USP24: variants seen among roughly 807,000 people sequenced by gnomAD.
USP24 encodes the protein ubiquitin carboxyl-terminal hydrolase 24.
A neutral mutation model predicts 361.6 loss-of-function variants in USP24; 97 were observed. The observed-to-expected ratio is 0.27, with a 90% CI of 0.23 to 0.32. The LOEUF (loss-of-function observed/expected upper bound fraction) is 0.32. Among genes scored for constraint, USP24 ranks in the 10% least tolerant of loss-of-function variants. The pLI is 1.00. For synonymous variants in USP24, 1,098 were observed against 1,124.6 expected, an observed-to-expected ratio of 0.98 and a Z score of 0.47; for missense variants, 2,353 against 3,165.6, an observed-to-expected ratio of 0.74 and a Z score of 6.16.
Position 55,068,841 on chromosome 1 carries a change from C to T in USP24, c.*204G>A, listed in dbSNP as rs970581702. The T allele has an allele frequency of 3.3e-5, 19 of 577,878 alleles. No homozygotes were observed. Among genetic ancestry groups the T allele is most frequent in the African/African-American group, 1.1e-4 (6 of 53,220 alleles). The allele number at this position is 577,878 out of a possible 1,614,324, so 35.8% of individuals were successfully genotyped here. On this transcript the variant is annotated 3_prime_UTR_variant, in exon 68 of 68. Coordinates refer to ENST00000294383, the MANE Select transcript of USP24 (RefSeq NM_015306.3). ...CTCCCGGGACAGCTGATCCACATGCCGGAGTTCTCCCACTGCCAAACAGCT... is the reference window on the plus strand; with the variant it reads ...CTCCCGGGACAGCTGATCCACATGCTGGAGTTCTCCCACTGCCAAACAGCT...
intron 1 of USP24, among the ~76,000 whole-genome samples, chr1:55,189,072 G>C (rs1372096261): frequency 1.3e-5 from 2 of 151,280 alleles, no homozygotes; most frequent in African/African-American, 4.8e-5. Context: ...TATAAAATGG[G>C]GCCACCGCTT....
At position 55,167,304 on chromosome 1, in the gene USP24, G is replaced by C. The variant is rs1310831806; in HGVS notation, c.826-701C>G. Among the ~76,000 whole-genome samples the C allele has an allele frequency of 2.6e-5, 4 of 152,100 alleles. 1 individual carries two copies. Among genetic ancestry groups the C allele is most frequent in the Non-Finnish European group, 4.4e-5 (3 of 68,024 alleles). On this transcript the variant is annotated intron_variant, in intron 5 of 67. Coordinates refer to ENST00000294383, the MANE Select transcript of USP24 (RefSeq NM_015306.3). ...AACATAATCTTTAAAGGACAAGACAGATGTAGCCGTTTAAAGAACAGTCCA... is the reference window on the plus strand; with the variant it reads ...AACATAATCTTTAAAGGACAAGACACATGTAGCCGTTTAAAGAACAGTCCA...
At chr1:55,119,329 A>G (rs1406488774) in intron 38 of USP24, among the ~76,000 whole-genome samples, 2 of 152,198 alleles carry the variant, frequency 1.3e-5, no homozygotes, top group African/African-American at 4.8e-5. Context: ...AAGGACAAAT[A>G]CTGTATGATT....
chr1:55,104,098 A>G (rs1469498716), intron 41 of USP24, 78 bp from the exon 42 acceptor site: 7 of 1,477,872 alleles, frequency 4.7e-6, no homozygotes, highest in African/African-American at 2.8e-5. Context: ...TCAACAGTTG[A>G]AATGAAAGTA....
chr1:55,155,075 C>G (rs937748576), intron 12 of USP24, among the ~76,000 whole-genome samples: 1 of 150,560 alleles, frequency 6.6e-6, no homozygotes, highest in African/African-American at 2.4e-5. Context: ...AAGAAGAGAA[C>G]AAAATATTTT....
chr1:55,137,247 C>T (rs1050913836), intron 28 of USP24, among the ~76,000 whole-genome samples: 14 of 152,096 alleles, frequency 9.2e-5, no homozygotes, highest in African/African-American at 3.1e-4. Context: ...TAATTCTTAT[C>T]AACAGAGATC....
chr1:55,104,136 T>A, intron 41 of USP24, 116 bp from the exon 42 acceptor site: 1 of 1,323,528 alleles, frequency 7.6e-7, no homozygotes, highest in Non-Finnish European at 1.0e-6. Context: ...CAAACATACT[T>A]AAGTCAGGTC....
chr1:55,213,637 C>T (rs4927199), intron 1 of USP24, among the ~76,000 whole-genome samples: 149,205 of 152,320 alleles, frequency 0.98, 73,146 homozygotes, highest in East Asian at 1. Flanking sequence ...AGCTGCTCTA[C>T]TGGCCCCTGA....
At chr1:55,199,616 T>TGAGAGAGA (rs754249587) in intron 1 of USP24, among the ~76,000 whole-genome samples, 12 of 144,934 alleles carry the variant, frequency 8.3e-5, no homozygotes, top group African/African-American at 3.2e-4. Context: ...TGTGTGTGTG[T>TGAGAGAGA]GTGTGTGAGA....
chr1:55,198,531 T>C (rs916228886), intron 1 of USP24, among the ~76,000 whole-genome samples: 3 of 152,214 alleles, frequency 2.0e-5, no homozygotes, highest in Non-Finnish European at 2.9e-5. Flanking sequence ...TAGACAATTC[T>C]GTTCTGTGCA....
At position 55,069,064 on chromosome 1, in the gene USP24, A is replaced by G. The variant is rs759815010; in HGVS notation, c.7844T>C (p.Leu2615Pro). Reference sequence around the variant, plus strand: ...GTTCCTCTAGGGATCAACATCATCAAGGTCACTTCTCAACTCACCAATCAT... The same window carrying G: ...GTTCCTCTAGGGATCAACATCATCAGGGTCACTTCTCAACTCACCAATCAT... ...PMMIGELRSD[L>P]DDVDP is the part of the protein sequence containing the mutation. Residue 2615 changes from leucine (L) to proline (P), a missense_variant, in exon 68 of 68, where the codon CTT (leucine) becomes CCT (proline). Around this residue, in one of 8 missense-constraint regions of USP24, gnomAD observed 53 missense variants for 57.7 expected, o/e 0.92. Coordinates refer to ENST00000294383, the MANE Select transcript of USP24 (RefSeq NM_015306.3). 6.2e-7 allele frequency: 1 copy of G among 1,614,016 alleles called. No individual in the cohort carries two copies. The highest frequency in any genetic ancestry group is 2.2e-5 in the East Asian group (1 of 44,888).
At chr1:55,072,225 C>T (rs1644935558) in intron 66 of USP24, 92 bp downstream of exon 66, 4 of 1,016,022 alleles carry the variant, frequency 3.9e-6, no homozygotes, top group Middle Eastern at 2.1e-4. Context: ...TCAACTCATA[C>T]CTCTCTTCTC....
chr1:55,123,656 T>C, intron 35 of USP24, 54 bp from the exon 36 acceptor site: 2 of 1,462,992 alleles, frequency 1.4e-6, no homozygotes, highest in Admixed American at 4.9e-5. Flanking sequence ...CTATGCAATA[T>C]TTTAATCTTT....
Position 55,134,186 on chromosome 1 carries a change from T to A in USP24, c.3288-23A>T, listed in dbSNP as rs765888450. ...ATCCTGAAGTTTTTCAAATACAAAT[T>A]TTTTCATATAAGCCATAGTTTAATT... On this transcript the variant is annotated intron_variant, in intron 29 of 67. Transcript: ENST00000294383. 3.7e-6 allele frequency: 6 copies of A among 1,608,600 alleles called. No homozygotes were observed. The South Asian group carries it at 6.6e-5, about 18-fold the overall frequency.
intron 1 of USP24, among the ~76,000 whole-genome samples, chr1:55,181,396 T>A (rs1643962383): frequency 6.6e-6 from 1 of 152,160 alleles, no homozygotes; most frequent in African/African-American, 2.4e-5. Context: ...TGGGAAAAAT[T>A]CAGTTTTTAA....
chr1:55,191,693 T>C (rs554414201), intron 1 of USP24, among the ~76,000 whole-genome samples: 2 of 152,226 alleles, frequency 1.3e-5, no homozygotes, highest in South Asian at 4.1e-4. Flanking sequence ...TGTTTCACCA[T>C]GTTGGCCAGG....
intron 62 of USP24, 54 bp downstream of exon 62, chr1:55,077,181 C>A: frequency 7.3e-7 from 1 of 1,365,740 alleles, no homozygotes; most frequent in South Asian, 1.7e-5. Context: ...TTTATAAACA[C>A]TTGTTGACTA....
At position 55,120,664 on chromosome 1, in the gene USP24, T is replaced by C. The variant is rs1469374036; in HGVS notation, c.4440A>G (p.Leu1480=). Residue 1480 remains leucine (L), a synonymous_variant, in exon 38 of 68, where the codon CTA becomes CTG. Transcript: ENST00000294383. ...GCAGCTGAGCCGTGAGGATTACGCC[T>C]AGAAGAAACTGATTTGGCTTCTGCA... is the stretch of plus-strand genomic sequence containing the variant. ...PDVQKPNQFL[L]GVILTAQLPL... is the part of the protein sequence containing the mutation. 6.4e-7 allele frequency: 1 copy of C among 1,563,634 alleles called. No homozygotes were observed. Among genetic ancestry groups the C allele is most frequent in the Non-Finnish European group, 8.7e-7 (1 of 1,152,796 alleles).
intron 67 of USP24, among the ~76,000 whole-genome samples, chr1:55,070,169 A>T (rs1241548253): frequency 6.6e-6 from 1 of 152,072 alleles, no homozygotes; most frequent in African/African-American, 2.4e-5. Context: ...ACGGAGGGCC[A>T]GCTTTGGTGG....
Sources: gnomAD v4.1 joint callset for allele counts (sites outside exome capture counted in the v4.1 genomes callset) on GRCh38, gnomAD v4.1.1 for gene constraint, gnomAD v4.1.1 regional missense constraint, MANE v1.5 for transcripts, NCBI Gene and HGNC (gene_info 2026-07-23, HGNC 2026-07-21) for gene names.